Variants in ECE1 observed in about 807,000 individuals in gnomAD.
ECE1 encodes endothelin converting enzyme 1, also known as endothelin-converting enzyme 1.
ECE1 carries 35 observed loss-of-function variants against 98.6 expected under a neutral mutation model. That is an observed-to-expected ratio of 0.35 (90% CI 0.27 to 0.47). The LOEUF (loss-of-function observed/expected upper bound fraction) is 0.47. Among genes scored for constraint, ECE1 ranks in the 20% least tolerant of loss-of-function variants. ECE1 has a pLI of 1.00. For missense variants in ECE1, 814 were observed against 1,025.3 expected (o/e 0.79, Z 2.81); for synonymous variants, 394 against 407.1 (o/e 0.97, Z 0.39).
chr1:21,257,444 G>A, intron 7 of ECE1, 81 bp downstream of exon 7: 5 of 1,514,664 alleles, frequency 3.3e-6, no homozygotes, highest in Non-Finnish European at 4.6e-6. Flanking sequence ...TAGCTTCAAA[G>A]ACCTGCACAG....
At chr1:21,309,416 A>G (rs1296520855) in intron 1 of ECE1, among the ~76,000 whole-genome samples, 2 of 152,206 alleles carry the variant, frequency 1.3e-5, no homozygotes, top group Admixed American at 6.5e-5. Context: ...AGTTGTTGGG[A>G]GGATGCAGTT....
chr1:21,222,192 A>T lies in ECE1; in HGVS notation c.2041-350T>A, dbSNP rs1447332847. 7 of 327,612 alleles carry T rather than the reference A, an allele frequency of 2.1e-5. No individual in the cohort carries two copies. The East Asian group carries it at 5.0e-4, about 23-fold the overall frequency. 20.3% of individuals were successfully genotyped at this position (327,612 alleles called of 1,614,324 possible). ...TGTGCATGCACACACACACACATAC[A>T]CACAACTTTTCCCATCATAGTCAAT... On this transcript the variant is annotated intron_variant, in intron 17 of 18. Transcript: ENST00000374893.
chr1:21,263,419 C>T (rs1410587126), intron 4 of ECE1, among the ~76,000 whole-genome samples: 1 of 151,544 alleles, frequency 6.6e-6, no homozygotes, highest in Non-Finnish European at 1.5e-5. Context: ...CGCAGGGGCG[C>T]AATCTCGGCT....
intron 8 of ECE1, among the ~76,000 whole-genome samples, chr1:21,248,544 C>T (rs1407695408): frequency 1.3e-5 from 2 of 152,122 alleles, no homozygotes; most frequent in African/African-American, 4.8e-5. Context: ...CACAGAGGCG[C>T]CTTCCAGACC....
At chr1:21,330,215 C>T (rs1214000896) in intron 1 of ECE1, among the ~76,000 whole-genome samples, 1 of 137,482 alleles carries the variant, frequency 7.3e-6, no homozygotes, top group Non-Finnish European at 1.5e-5. Context: ...TGCCCACATA[C>T]TCGCCAAATA....
chr1:21,222,841 CAAAAA>C (rs888811259), intron 17 of ECE1, among the ~76,000 whole-genome samples: 7 of 27,796 alleles, frequency 2.5e-4, no homozygotes, highest in East Asian at 1.5e-3. Flanking sequence ...GACCCTGTCT[CAAAAA>C]AAAAAAAAAA....
chr1:21,321,719 G>A (rs1266449681), intron 1 of ECE1, among the ~76,000 whole-genome samples: 4 of 152,138 alleles, frequency 2.6e-5, no homozygotes, highest in South Asian at 4.1e-4. Context: ...GGGTTCAAGC[G>A]ATTCTCCTGC....
chr1:21,342,289 C>T (rs1639414001), intron 1 of ECE1, among the ~76,000 whole-genome samples: 1 of 152,144 alleles, frequency 6.6e-6, no homozygotes, highest in Non-Finnish European at 1.5e-5. Flanking sequence ...GTTACCCCTC[C>T]AAAAGTCCAG....
chr1:21,279,386 TC>T, intron 2 of ECE1, 54 bp from the exon 3 acceptor site: 2 of 1,613,366 alleles, frequency 1.2e-6, no homozygotes, highest in South Asian at 1.1e-5. Context: ...GGGCCCCGCT[TC>T]CCTTGGAGGA....
chr1:21,339,136 CG>C (rs910894380), intron 1 of ECE1, among the ~76,000 whole-genome samples: 2 of 151,246 alleles, frequency 1.3e-5, no homozygotes, highest in Non-Finnish European at 2.9e-5. Flanking sequence ...GATCTCAGGG[CG>C]GGGGACTGGG....
rs746586628 is a variant in ECE1, at chr1:21,258,657, C to T, written c.762+36G>A. On this transcript the variant is annotated intron_variant, in intron 6 of 18. Transcript: ENST00000374893. This position sits in a 1 kb window ranked among gnomAD's most constrained non-coding sequence, Gnocchi z 4.2. ...ACTCAAAACAGGAAGAGGTCGTGCC[C>T]GCCCCCTCGACCGCTGCAGGTTCAA... is the stretch of plus-strand genomic sequence containing the variant. 10 of 1,613,870 alleles carry T rather than the reference C, an allele frequency of 6.2e-6. No homozygotes were observed. Among genetic ancestry groups the T allele is most frequent in the South Asian group, 3.3e-5 (3 of 91,050 alleles).
At chr1:21,222,873 A>G (rs955675292) in intron 17 of ECE1, among the ~76,000 whole-genome samples, 4 of 150,266 alleles carry the variant, frequency 2.7e-5, no homozygotes, top group Non-Finnish European at 4.4e-5. Context: ...AAAGCCACAG[A>G]CATGGAAACA....
At chr1:21,245,240 G>A in intron 9 of ECE1, 137 bp from the exon 10 acceptor site, 2 of 732,598 alleles carry the variant, frequency 2.7e-6, no homozygotes, top group Non-Finnish European at 2.4e-6. Context: ...GGGCTTGGTG[G>A]GTTACTGCTC....
At chr1:21,324,117 C>T (rs576955228) in intron 1 of ECE1, among the ~76,000 whole-genome samples, 3 of 152,250 alleles carry the variant, frequency 2.0e-5, no homozygotes, top group African/African-American at 7.2e-5. Flanking sequence ...CCACTTCACC[C>T]GGCCTGTTTT....
At chr1:21,221,924 TCCC>T in intron 17 of ECE1, 82 bp from the exon 18 acceptor site, 1 of 1,262,964 alleles carries the variant, frequency 7.9e-7, no homozygotes, top group Non-Finnish European at 1.2e-6. Context: ...CTCAGGGAGC[TCCC>T]CCGTGTTGGG....
At chr1:21,239,826 G>C (rs1449241543) in intron 10 of ECE1, among the ~76,000 whole-genome samples, 1 of 151,690 alleles carries the variant, frequency 6.6e-6, no homozygotes, top group Non-Finnish European at 1.5e-5. Context: ...GGCAGAAGGG[G>C]ATATTCTCTA....
chr1:21,258,681 A>G lies in ECE1; in HGVS notation c.762+12T>C, dbSNP rs775025384. ...CCGCCCCCTCGACCGCTGCAGGTTC[A>G]AGCTAGCTCACCTGGATCACGTTGC... On this transcript the variant is annotated intron_variant, in intron 6 of 18. Coordinates refer to ENST00000374893, the MANE Select transcript of ECE1 (RefSeq NM_001397.3). This position sits in a 1 kb window ranked among gnomAD's most constrained non-coding sequence, Gnocchi z 4.2. The G allele has an allele frequency of 9.3e-6, 15 of 1,614,068 alleles. No homozygotes were observed. Among genetic ancestry groups the G allele is most frequent in the Non-Finnish European group, 1.3e-5 (15 of 1,179,976 alleles).
At chr1:21,265,474 G>A (rs2098232741) in intron 4 of ECE1, among the ~76,000 whole-genome samples, 1 of 152,228 alleles carries the variant, frequency 6.6e-6, no homozygotes, top group Admixed American at 6.5e-5. Flanking sequence ...GGAGGTTGCA[G>A]TGAGCCGAGA....
At chr1:21,226,756 C>T (rs1229684183) in intron 16 of ECE1, among the ~76,000 whole-genome samples, 3 of 152,124 alleles carry the variant, frequency 2.0e-5, no homozygotes, top group Admixed American at 6.5e-5. Flanking sequence ...GATGGAGTCT[C>T]GCTCTGTCAC....
Sources: gnomAD v4.1 joint callset for allele counts (sites outside exome capture counted in the v4.1 genomes callset) on GRCh38, gnomAD v4.1.1 for gene constraint, Gnocchi (gnomAD v3.1) non-coding constraint, MANE v1.5 for transcripts, NCBI Gene and HGNC (gene_info 2026-07-23, HGNC 2026-07-21) for gene names.